PIEZO2: variants seen among roughly 807,000 people sequenced by gnomAD.
PIEZO2 encodes piezo type mechanosensitive ion channel component 2, also known as piezo-type mechanosensitive ion channel component 2.
In PIEZO2, 172 loss-of-function variants were observed where a neutral mutation model predicts 337.3. The observed-to-expected ratio is 0.51, with a 90% CI of 0.45 to 0.58. The LOEUF is 0.58. PIEZO2 is among the 20% of genes least tolerant of loss of function. The pLI is 0.00. For missense variants in PIEZO2, 3,028 were observed against 3,391.3 expected (o/e 0.89, Z 2.66); for synonymous variants, 1,251 against 1,228.5 (o/e 1.02, Z -0.38).
chr18:11,100,161 A>G (rs935064550), intron 1 of PIEZO2, among the ~76,000 whole-genome samples: 14 of 152,218 alleles, frequency 9.2e-5, no homozygotes, highest in African/African-American at 3.1e-4. Context: ...AAGTTGTGCA[A>G]TGCTCTGTAG....
rs1162715886 is a variant in PIEZO2, at chr18:10,715,723, A to C, written c.5183T>G (p.Ile1728Ser). ...VDSFTTWLNS[I>S]SREHIDISTV... ...AGATATATCAATATGCTCCCTTGAA[A>C]TGGAGTTAAGCCAAGTAGTGAAACT... Residue 1728 changes from isoleucine to serine, a missense_variant, in exon 38 of 56, where the codon ATT becomes AGT. Physicochemically the swap from Ile to Ser is moderately radical, Grantham distance 142. Transcript: ENST00000674853. The C allele has an allele frequency of 1.2e-5, 19 of 1,536,708 alleles. No homozygotes were observed. Among genetic ancestry groups the C allele is most frequent in the Non-Finnish European group, 1.6e-5 (18 of 1,146,600 alleles).
chr18:10,941,435 A>C (rs2032721399), intron 3 of PIEZO2, among the ~76,000 whole-genome samples: 1 of 152,220 alleles, frequency 6.6e-6, no homozygotes, highest in South Asian at 2.1e-4. Flanking sequence ...TTTAGTATAA[A>C]TTTTAATTGG....
intron 3 of PIEZO2, among the ~76,000 whole-genome samples, chr18:10,959,154 T>C (rs1169805703): frequency 1.3e-5 from 2 of 152,198 alleles, no homozygotes; most frequent in Non-Finnish European, 2.9e-5. Flanking sequence ...AGCATATTGA[T>C]TCAAATTTTT....
rs10718341 is a variant in PIEZO2, at chr18:10,828,140, GTT to G, written c.918-20868_918-20867del. On this transcript the variant is annotated intron_variant, in intron 7 of 55. Transcript: ENST00000674853. The surrounding 1 kb of genome is among the most constrained non-coding windows in gnomAD (Gnocchi z 4.1). Reference sequence around the variant, plus strand: ...GGTTTTTTTTTGTTTGTTTGTTTTTGTTTTTTTTTTTTTTTACAGTAAAACCA... The same window carrying G: ...GGTTTTTTTTTGTTTGTTTGTTTTTGTTTTTTTTTTTTTACAGTAAAACCA... 1.6e-3 allele frequency among the ~76,000 whole-genome samples: 228 copies of G among 141,008 alleles called. 1 individual carries two copies. Among genetic ancestry groups the G allele is most frequent in the African/African-American group, 2.8e-3 (105 of 38,042 alleles). The allele number at this position is 141,008 out of a possible 152,430, so 92.5% of individuals were successfully genotyped here.
intron 1 of PIEZO2, among the ~76,000 whole-genome samples, chr18:11,082,641 A>T (rs2145992366): frequency 6.6e-6 from 1 of 152,326 alleles, no homozygotes; most frequent in South Asian, 2.1e-4. Flanking sequence ...CCTTCCTTGG[A>T]ACAAATGAAT....
At chr18:10,772,245 T>C (rs537695828) in intron 20 of PIEZO2, among the ~76,000 whole-genome samples, 3 of 152,320 alleles carry the variant, frequency 2.0e-5, no homozygotes, top group Admixed American at 2.0e-4. Flanking sequence ...GCAGGACTAC[T>C]GTATTTAGAG....
chr18:10,923,763 C>T (rs1022893741), intron 3 of PIEZO2, among the ~76,000 whole-genome samples: 2 of 152,156 alleles, frequency 1.3e-5, no homozygotes, highest in African/African-American at 4.8e-5. Flanking sequence ...AAATGAAGTA[C>T]CCATGCCTGC....
chr18:10,764,626 A>G (rs558303389), intron 21 of PIEZO2, among the ~76,000 whole-genome samples: 56 of 152,102 alleles, frequency 3.7e-4, no homozygotes, highest in Non-Finnish European at 7.4e-4. Flanking sequence ...ATAAAAGAAG[A>G]AAATGTGGAG....
At chr18:10,947,278 C>T (rs1456163461) in intron 3 of PIEZO2, among the ~76,000 whole-genome samples, 2 of 152,090 alleles carry the variant, frequency 1.3e-5, no homozygotes, top group Admixed American at 6.6e-5. Flanking sequence ...TGATGCATTA[C>T]GTCTAAGGGA....
rs537544544 is a variant in PIEZO2 at position 10,762,522 on chromosome 18, G to A, written c.3227C>T (p.Ser1076Leu). Residue 1076 changes from serine to leucine, a missense_variant, in exon 23 of 56, where the codon TCG becomes TTG. Ser to Leu is a moderately radical substitution (Grantham distance 145). Around this residue, in one of 5 missense-constraint regions of PIEZO2, gnomAD observed 1,925 missense variants for 2,051.9 expected, o/e 0.94. Transcript: ENST00000674853. ...PTEWVGLRKS[S>L]PLLVYLRNNL... ...TACCCTCAGGTAGACTAGCAGAGGC[G>A]AAGACTTCCGCAGGCCGACCCACTC... 8 of 1,537,266 alleles carry A rather than the reference G, an allele frequency of 5.2e-6. 1 individual carries two copies. Among genetic ancestry groups the A allele is most frequent in the East Asian group, 2.4e-5 (1 of 40,916 alleles).
At chr18:10,729,099 G>T (rs2036661830) in intron 36 of PIEZO2, among the ~76,000 whole-genome samples, 1 of 152,038 alleles carries the variant, frequency 6.6e-6, no homozygotes, top group Non-Finnish European at 1.5e-5. Flanking sequence ...ACTGGGTTGG[G>T]GCAGATTATA....
chr18:10,739,051 G>C (rs1043351066), intron 33 of PIEZO2: 1 of 152,154 alleles, frequency 6.6e-6, no homozygotes, highest in African/African-American at 2.4e-5. Context: ...TGAAAGCCCA[G>C]TTACTCAAAA....
chr18:11,088,448 C>A (rs1256346829), intron 1 of PIEZO2, among the ~76,000 whole-genome samples: 2 of 152,286 alleles, frequency 1.3e-5, no homozygotes, highest in East Asian at 3.9e-4. Flanking sequence ...AAGGGATATT[C>A]ATAGGAGAAC....
rs1598966035 is a variant in PIEZO2 at position 11,104,790 on chromosome 18, G to A, written c.65-38568C>T. Reference sequence around the variant, plus strand: ...CATAACTACAATGCAGTATAACGGCGCCTGCTTCTCTTGGGGACCACTCTC... The same window carrying A: ...CATAACTACAATGCAGTATAACGGCACCTGCTTCTCTTGGGGACCACTCTC... On this transcript the variant is annotated intron_variant, in intron 1 of 55. Transcript: ENST00000674853. The surrounding 1 kb of genome is among the most constrained non-coding windows in gnomAD (Gnocchi z 4.6). Among the ~76,000 whole-genome samples, 2 of 152,112 alleles carry A rather than the reference G, an allele frequency of 1.3e-5. No individual in the cohort carries two copies. The highest frequency in any genetic ancestry group is 4.8e-5 in the African/African-American group (2 of 41,428).
intron 2 of PIEZO2, among the ~76,000 whole-genome samples, chr18:11,055,282 A>G (rs2037688085): frequency 2.0e-5 from 3 of 151,102 alleles, no homozygotes; most frequent in Non-Finnish European, 4.4e-5. Flanking sequence ...GGAGGTTTGC[A>G]GGGAGAATCA....
chr18:11,115,158 C>T (rs1032252409), intron 1 of PIEZO2, among the ~76,000 whole-genome samples: 1 of 152,148 alleles, frequency 6.6e-6, no homozygotes, highest in Non-Finnish European at 1.5e-5. Flanking sequence ...TGGTTATAGA[C>T]AGTTAAATGA....
At chr18:10,747,725 A>T (rs1157169484) in intron 30 of PIEZO2, among the ~76,000 whole-genome samples, 1 of 152,208 alleles carries the variant, frequency 6.6e-6, no homozygotes, top group Non-Finnish European at 1.5e-5. Context: ...TGTGTTTATC[A>T]TGGCAGGGAA....
At chr18:10,898,797 C>T (rs1291917846) in intron 4 of PIEZO2, among the ~76,000 whole-genome samples, 1 of 152,054 alleles carries the variant, frequency 6.6e-6, no homozygotes, top group Non-Finnish European at 1.5e-5. Flanking sequence ...CTTTCAGCCA[C>T]AGGAAGGTGT....
intron 52 of PIEZO2, among the ~76,000 whole-genome samples, chr18:10,679,694 T>C (rs181247615): frequency 1.3e-5 from 2 of 152,338 alleles, no homozygotes; most frequent in African/African-American, 4.8e-5. Context: ...TGGAAGATTA[T>C]GGACAGTGAA....
Sources: allele counts gnomAD v4.1 joint callset (sites outside exome capture counted in the v4.1 genomes callset), GRCh38; gene constraint gnomAD v4.1.1; regional missense constraint gnomAD v4.1.1; non-coding constraint Gnocchi (gnomAD v3.1); transcripts MANE v1.5; gene names NCBI Gene and HGNC (gene_info 2026-07-23, HGNC 2026-07-21).